Variants in MAGI2 observed in about 807,000 individuals in gnomAD.
The protein encoded by MAGI2 is membrane-associated guanylate kinase, WW and PDZ domain-containing protein 2.
Under a neutral mutation model 133.3 loss-of-function variants are expected in MAGI2, and 35 were observed. That is an observed-to-expected ratio of 0.26 (90% CI 0.20 to 0.35). The LOEUF (loss-of-function observed/expected upper bound fraction) is 0.35, where lower values mean the gene tolerates loss of function less well. Among genes scored for constraint, MAGI2 ranks in the 10% least tolerant of loss-of-function variants. The pLI, the probability that MAGI2 is intolerant of heterozygous loss-of-function variation, is 1.00. For missense variants in MAGI2, 1,636 were observed against 1,863.4 expected (o/e 0.88, Z 2.25); for synonymous variants, 729 against 710.6 (o/e 1.03, Z -0.41).
In MAGI2 at chr7:78,105,879, TA is replaced by T. The variant is rs1583923717; in HGVS notation, c.3567+19814del. Among the ~76,000 whole-genome samples the T allele has an allele frequency of 2.6e-5, 4 of 152,194 alleles. No individual in the cohort carries two copies. The East Asian group carries it at 7.7e-4, about 29-fold the overall frequency. On this transcript the variant is annotated intron_variant, in intron 20 of 21. Transcript: ENST00000354212. ...GTATCAGAAACATTTCAATTCTACT[TA>T]TATTTTTAAAACTACAATCAATTAT... is the stretch of plus-strand genomic sequence containing the variant.
At chr7:78,707,389 T>C (rs1818761697) in intron 2 of MAGI2, among the ~76,000 whole-genome samples, 1 of 152,128 alleles carries the variant, frequency 6.6e-6, no homozygotes, top group South Asian at 2.1e-4. Flanking sequence ...ACTATACTTA[T>C]TGGATATGCC....
chr7:78,134,843 G>GA, intron 17 of MAGI2, 178 bp downstream of exon 17: 1 of 584,150 alleles, frequency 1.7e-6, no homozygotes, highest in South Asian at 2.1e-5. Context: ...AACAAGATAT[G>GA]GATTGCAACT....
rs181137068 is a variant in MAGI2 at position 78,738,497 on chromosome 7, G to A, written c.419-111258C>T. ...GATGCCCTTTATTTTCCATTGTCAA[G>A]ATATCTTTCTGCTTAGTTTGCTAAC... On this transcript the variant is annotated intron_variant, in intron 2 of 21. Transcript: ENST00000354212. Among the ~76,000 whole-genome samples, 17 of 152,142 alleles carry A rather than the reference G, an allele frequency of 1.1e-4. No homozygotes were observed. The East Asian group carries it at 3.3e-3, about 29-fold the overall frequency.
intron 1 of MAGI2, among the ~76,000 whole-genome samples, chr7:79,262,307 A>G (rs1173301916): frequency 6.6e-6 from 1 of 152,110 alleles, no homozygotes; most frequent in African/African-American, 2.4e-5. Flanking sequence ...CATTCAATCT[A>G]TTTTCTGTGA....
At chr7:78,882,685 A>G (rs1021872842) in intron 2 of MAGI2, among the ~76,000 whole-genome samples, 1 of 152,146 alleles carries the variant, frequency 6.6e-6, no homozygotes, top group African/African-American at 2.4e-5. Flanking sequence ...TTATTCTGGG[A>G]TGCAAGGTTG....
chr7:78,734,898 C>A (rs1028137392), intron 2 of MAGI2, among the ~76,000 whole-genome samples: 2 of 152,154 alleles, frequency 1.3e-5, no homozygotes, highest in Admixed American at 6.5e-5. Flanking sequence ...GTGAACCCTG[C>A]ACACATATGA....
At chr7:78,809,756 G>A (rs1009685746) in intron 2 of MAGI2, among the ~76,000 whole-genome samples, 6 of 152,032 alleles carry the variant, frequency 3.9e-5, no homozygotes, top group Admixed American at 2.0e-4. Context: ...AGGAAACAGC[G>A]TGTGAATAAA....
At chr7:78,531,275 A>G (rs1025953534) in intron 3 of MAGI2, among the ~76,000 whole-genome samples, 30 of 147,436 alleles carry the variant, frequency 2.0e-4, no homozygotes, top group African/African-American at 7.6e-4. Context: ...GTGCAATGGC[A>G]TGATCTTGGC....
At chr7:79,066,901 C>CA (rs995829156) in intron 1 of MAGI2, among the ~76,000 whole-genome samples, 1 of 152,012 alleles carries the variant, frequency 6.6e-6, no homozygotes, top group African/African-American at 2.4e-5. Flanking sequence ...TCATATTTGT[C>CA]AAAAAACAGA....
At chr7:78,645,640 GGT>G (rs59287974) in intron 2 of MAGI2, among the ~76,000 whole-genome samples, 40,104 of 147,220 alleles carry the variant, frequency 0.27, 5,565 homozygotes, top group East Asian at 0.48. Flanking sequence ...ATATAAGTGT[GGT>G]GTGTGTGTGT....
intron 2 of MAGI2, among the ~76,000 whole-genome samples, chr7:78,902,273 G>GA (rs1238635051): frequency 2.0e-5 from 3 of 152,198 alleles, no homozygotes; most frequent in Middle Eastern, 3.4e-3. Flanking sequence ...TACAACTTTA[G>GA]AAAGAGAATA....
intron 2 of MAGI2, among the ~76,000 whole-genome samples, chr7:78,875,067 CA>C (rs1391344557): frequency 6.6e-6 from 1 of 151,836 alleles, no homozygotes; most frequent in Admixed American, 6.6e-5. Context: ...ATTCAAGAAG[CA>C]AAAAAGCTGC....
At chr7:79,099,077 A>G (rs2129543066) in intron 1 of MAGI2, among the ~76,000 whole-genome samples, 1 of 152,314 alleles carries the variant, frequency 6.6e-6, no homozygotes, top group African/African-American at 2.4e-5. Flanking sequence ...GAATGGTTAG[A>G]CTGAAATAAT....
At chr7:78,826,562 C>T (rs986289098) in intron 2 of MAGI2, among the ~76,000 whole-genome samples, 5 of 151,916 alleles carry the variant, frequency 3.3e-5, no homozygotes, top group Non-Finnish European at 7.4e-5. Flanking sequence ...GAAACTATTA[C>T]GCGTGATGGT....
At position 78,213,763 on chromosome 7, in the gene MAGI2, G is replaced by A. The variant is rs1345481444; in HGVS notation, c.2048-12570C>T. On this transcript the variant is annotated intron_variant, in intron 10 of 21. Transcript: ENST00000354212. The stretch of plus-strand genomic sequence containing the variant: ...GTCCATAAATCTTTGTCGATCATGC[G>A]ACAGTGTTGGGGTGTCTATGAACCT... 4.6e-5 allele frequency among the ~76,000 whole-genome samples: 7 copies of A among 152,158 alleles called. No homozygotes were observed. In the East Asian group the frequency reaches 7.7e-4, roughly 17 times the overall value.
intron 20 of MAGI2, among the ~76,000 whole-genome samples, chr7:78,125,467 T>C (rs559991568): frequency 3.2e-4 from 49 of 152,332 alleles, no homozygotes; most frequent in African/African-American, 9.9e-4. Flanking sequence ...AGAAAAATAG[T>C]ACTTTACTGA....
chr7:79,186,187 G>T (rs1827074053), intron 1 of MAGI2, among the ~76,000 whole-genome samples: 1 of 98,450 alleles, frequency 1.0e-5, no homozygotes, highest in East Asian at 3.3e-4. Flanking sequence ...TATTTGCCTG[G>T]GAAAATATAT....
At chr7:79,421,487 A>G (rs1041460816) in intron 1 of MAGI2, among the ~76,000 whole-genome samples, 1 of 152,002 alleles carries the variant, frequency 6.6e-6, no homozygotes, top group Non-Finnish European at 1.5e-5. Context: ...CATTGTTCTT[A>G]AAATATTTTT....
intron 6 of MAGI2, among the ~76,000 whole-genome samples, chr7:78,458,055 TG>T (rs144680650): frequency 0.022 from 3,368 of 151,868 alleles, 51 homozygotes; most frequent in Middle Eastern, 0.054. Flanking sequence ...CCCAGCACTT[TG>T]GGAGGCTAAG....
Sources: gnomAD v4.1 joint callset for allele counts (sites outside exome capture counted in the v4.1 genomes callset) on GRCh38, gnomAD v4.1.1 for gene constraint, MANE v1.5 for transcripts, NCBI Gene and HGNC (gene_info 2026-07-23, HGNC 2026-07-21) for gene names.